PTPRN2: variants seen among roughly 807,000 people sequenced by gnomAD.
PTPRN2 encodes the protein receptor-type tyrosine-protein phosphatase N2.
PTPRN2 carries 74 observed loss-of-function variants against 118.8 expected under a neutral mutation model. That is an observed-to-expected ratio of 0.62 (90% CI 0.52 to 0.76). The LOEUF is 0.76. Among genes scored for constraint, PTPRN2 ranks in the 30% least tolerant of loss-of-function variants. PTPRN2 has a pLI of 0.00. For synonymous variants in PTPRN2, 641 were observed against 608.0 expected (o/e 1.05, Z -0.80); for missense variants, 1,481 against 1,394.4 (o/e 1.06, Z -0.99).
rs796174280 is a variant in PTPRN2 at position 158,100,887 on chromosome 7, T to A, written c.1643+9942A>T. Among the ~76,000 whole-genome samples, 8 of 152,304 alleles carry A rather than the reference T, an allele frequency of 5.3e-5. No individual in the cohort carries two copies. In the South Asian group the frequency reaches 1.2e-3, roughly 24 times the overall value. ...AGAAATCACAGATGACGCAAACAAA[T>A]GGAAACACATCCCATGCTCATGGAT... On this transcript the variant is annotated intron_variant, in intron 10 of 22. Transcript: ENST00000389418.
chr7:157,792,288 C>T (rs576357899), intron 12 of PTPRN2, among the ~76,000 whole-genome samples: 2 of 152,382 alleles, frequency 1.3e-5, no homozygotes, highest in East Asian at 1.9e-4. Context: ...GGGGCATCTG[C>T]GCCTGGTGTG....
intron 11 of PTPRN2, among the ~76,000 whole-genome samples, chr7:157,911,578 G>A (rs532544627): frequency 1.3e-5 from 2 of 152,126 alleles, no homozygotes; most frequent in South Asian, 4.2e-4. Flanking sequence ...TAAATATTAG[G>A]AAGATACCAA....
chr7:158,240,008 G>A (rs1403455679), intron 3 of PTPRN2, among the ~76,000 whole-genome samples: 1 of 152,170 alleles, frequency 6.6e-6, no homozygotes, highest in Non-Finnish European at 1.5e-5. Flanking sequence ...AAGGAGGGGA[G>A]GTGGCCTCCA....
chr7:158,447,326 G>A (rs559274134), intron 2 of PTPRN2, among the ~76,000 whole-genome samples: 40 of 152,222 alleles, frequency 2.6e-4, no homozygotes, highest in African/African-American at 9.6e-4. Flanking sequence ...TAATTGCCTT[G>A]AGCTAAATAC....
intron 14 of PTPRN2, among the ~76,000 whole-genome samples, chr7:157,640,424 A>AT (rs1804601659): frequency 6.6e-6 from 1 of 152,244 alleles, no homozygotes; most frequent in African/African-American, 2.4e-5. Context: ...GGACATGGGA[A>AT]TAAGAAGGTA....
At chr7:157,747,435 G>A (rs1450316417) in intron 12 of PTPRN2, among the ~76,000 whole-genome samples, 8 of 95,698 alleles carry the variant, frequency 8.4e-5, no homozygotes, top group Admixed American at 2.5e-4. Context: ...TGGGCTGTCC[G>A]GGTGATTCTG....
rs540939755 is a variant in PTPRN2 at position 158,377,416 on chromosome 7, G to A, written c.164-60484C>T. Among the ~76,000 whole-genome samples, 9 of 152,350 alleles carry A rather than the reference G, an allele frequency of 5.9e-5. No individual in the cohort carries two copies. The South Asian group carries it at 1.0e-3, about 18-fold the overall frequency. On this transcript the variant is annotated intron_variant, in intron 2 of 22. Coordinates refer to ENST00000389418, the MANE Select transcript of PTPRN2 (RefSeq NM_002847.5). The stretch of plus-strand genomic sequence containing the variant: ...AAATGTATCGGTCTTCACCAAAGAA[G>A]AGCAAGGGATGGCCAGTAAGTGCAG...
At position 158,571,525 on chromosome 7, in the gene PTPRN2, CTTTTTTT is replaced by C. The variant is rs552051165; in HGVS notation, c.112+16026_112+16032del. Among the ~76,000 whole-genome samples, 39 of 71,804 alleles carry C rather than the reference CTTTTTTT, an allele frequency of 5.4e-4. 2 individuals are homozygous for C. Among genetic ancestry groups the C allele is most frequent in the Non-Finnish European group, 8.6e-4 (30 of 34,810 alleles). 47.1% of individuals were successfully genotyped at this position (71,804 alleles called of 152,430 possible). ...AACAAAAAAAAACACACACCTATTTCTTTTTTTTTTTTTTTTTTTTTCTTTTGAGCAG... is the reference window on the plus strand; with the variant it reads ...AACAAAAAAAAACACACACCTATTTCTTTTTTTTTTTTTTCTTTTGAGCAG... On this transcript the variant is annotated intron_variant, in intron 1 of 22. Coordinates refer to ENST00000389418, the MANE Select transcript of PTPRN2 (RefSeq NM_002847.5).
At chr7:158,293,943 C>T (rs988034018) in intron 3 of PTPRN2, among the ~76,000 whole-genome samples, 1 of 152,222 alleles carries the variant, frequency 6.6e-6, no homozygotes, top group African/African-American at 2.4e-5. Context: ...CCTGAAGGAC[C>T]TGCCTGAGTC....
rs533558161 is a variant in PTPRN2 at position 157,683,508 on chromosome 7, G to A, written c.1789-571C>T. Among the ~76,000 whole-genome samples, 112 of 152,306 alleles carry A rather than the reference G, an allele frequency of 7.4e-4. 1 individual carries two copies. Among genetic ancestry groups the A allele is most frequent in the Non-Finnish European group, 1.8e-4 (12 of 68,044 alleles). The stretch of plus-strand genomic sequence containing the variant: ...CCACCTGTCTTGAAAGGCGAGCGCT[G>A]GTCGAATCCCACCTGACTCCAGTCA... On this transcript the variant is annotated intron_variant, in intron 12 of 22. Coordinates refer to ENST00000389418, the MANE Select transcript of PTPRN2 (RefSeq NM_002847.5).
chr7:157,769,085 C>T (rs537999272), intron 12 of PTPRN2, among the ~76,000 whole-genome samples: 118 of 152,148 alleles, frequency 7.8e-4, no homozygotes, highest in Non-Finnish European at 1.0e-3. Context: ...CCACAGCGAA[C>T]GGGAGGAGCG....
At chr7:158,358,994 A>C (rs1156542248) in intron 2 of PTPRN2, among the ~76,000 whole-genome samples, 1 of 152,196 alleles carries the variant, frequency 6.6e-6, no homozygotes. Context: ...ATAAATGAGA[A>C]ACTGGATGGG....
intron 11 of PTPRN2, among the ~76,000 whole-genome samples, chr7:158,071,598 C>CCG (rs1811727574): frequency 1.3e-4 from 1 of 7,450 alleles, no homozygotes; most frequent in Non-Finnish European, 2.6e-4. Context: ...GGAGGTGCTC[C>CCG]TGGTGGAGGT....
intron 3 of PTPRN2, among the ~76,000 whole-genome samples, chr7:158,251,111 C>T (rs978919385): frequency 3.9e-5 from 6 of 152,078 alleles, no homozygotes; most frequent in Non-Finnish European, 5.9e-5. Context: ...ATGGGACACG[C>T]ACAAAGCGTA....
chr7:158,390,737 G>C (rs1266061172), intron 2 of PTPRN2, among the ~76,000 whole-genome samples: 2 of 152,236 alleles, frequency 1.3e-5, no homozygotes, highest in South Asian at 4.1e-4. Context: ...GGGAGAGCTG[G>C]CCGATGTCTC....
chr7:157,645,749 G>A (rs1379082202), intron 14 of PTPRN2, among the ~76,000 whole-genome samples: 1 of 152,158 alleles, frequency 6.6e-6, no homozygotes, highest in African/African-American at 2.4e-5. Context: ...CCCTGGGGAG[G>A]GGGCTGGGCC....
chr7:157,734,795 C>T (rs1585337631), intron 12 of PTPRN2, among the ~76,000 whole-genome samples: 3 of 152,374 alleles, frequency 2.0e-5, no homozygotes, highest in South Asian at 4.1e-4. Flanking sequence ...TTCAGTCCCA[C>T]CCGTGTCATG....
At chr7:158,441,236 G>A (rs545292429) in intron 2 of PTPRN2, among the ~76,000 whole-genome samples, 3 of 134,826 alleles carry the variant, frequency 2.2e-5, no homozygotes, top group East Asian at 2.2e-4. Flanking sequence ...TAATGGTGAT[G>A]GCAATGAAGG....
At chr7:158,487,575 C>T (rs74843768) in intron 2 of PTPRN2, among the ~76,000 whole-genome samples, 29,316 of 152,140 alleles carry the variant, frequency 0.19, 3,372 homozygotes, top group East Asian at 0.44. Context: ...TATTCCTACA[C>T]GTACCTTAAG....
Sources: allele counts gnomAD v4.1 joint callset (sites outside exome capture counted in the v4.1 genomes callset), GRCh38; gene constraint gnomAD v4.1.1; transcripts MANE v1.5; gene names NCBI Gene and HGNC (gene_info 2026-07-23, HGNC 2026-07-21).